Variants in TMEM147 observed in about 807,000 individuals in gnomAD.
The protein encoded by TMEM147 is BOS complex subunit TMEM147.
A neutral mutation model predicts 29.4 loss-of-function variants in TMEM147; 29 were observed. The observed-to-expected ratio is 0.99, with a 90% confidence interval of 0.73 to 1.34. TMEM147 has a LOEUF of 1.34. Ranked by LOEUF, TMEM147 falls within the 40% of genes most tolerant of loss-of-function variation. The pLI is 0.00. For missense variants in TMEM147, 260 were observed against 289.4 expected, an observed-to-expected ratio of 0.90 and a Z score of 0.74; for synonymous variants, 121 against 111.8, an observed-to-expected ratio of 1.08 and a Z score of -0.52.
At position 35,547,380 on chromosome 19, in the gene TMEM147, T is replaced by C; in HGVS notation, c.608T>C (p.Val203Ala). The C allele has an allele frequency of 6.2e-7, 1 of 1,613,914 alleles. No homozygotes were observed. Among genetic ancestry groups the C allele is most frequent in the South Asian group, 1.1e-5 (1 of 91,080 alleles). The change falls in exon 7 of 7, where the codon GTG (valine) becomes GCG (alanine). Residue 203 changes from valine to alanine, a missense_variant. Transcript: ENST00000222284. ...TGGGCAGCTCTACTGGCCCGAGCAG[T>C]GGTAACGGGGCTGCTGGCCCTCAGC... ...GSWAALLARA[V>A]VTGLLALSTL...
chr19:35,547,261 G>A (rs550371569), intron 6 of TMEM147, 21 bp downstream of exon 6: 27 of 1,614,006 alleles, frequency 1.7e-5, no homozygotes, highest in Non-Finnish European at 2.2e-5. Flanking sequence ...TGGGGTTTAG[G>A]GCTGGGTCCA....
In TMEM147 at chr19:35,547,039, C is replaced by T. The variant is rs753323421; in HGVS notation, c.429+10C>T. ...CTCCAACATCAGTCTGGTAGGCAGTCGTGCTCTCCCACATACACATTTCTG... is the reference window on the plus strand; with the variant it reads ...CTCCAACATCAGTCTGGTAGGCAGTTGTGCTCTCCCACATACACATTTCTG... On this transcript the variant is annotated intron_variant, in intron 5 of 6. Transcript: ENST00000222284. The T allele has an allele frequency of 3.1e-6, 5 of 1,614,082 alleles. No homozygotes were observed. The highest frequency in any genetic ancestry group is 2.2e-5 in the East Asian group (1 of 44,904).
chr19:35,546,042 G>A (rs893790856), intron 2 of TMEM147, 85 bp downstream of exon 2: 2 of 1,463,072 alleles, frequency 1.4e-6, no homozygotes, highest in Admixed American at 1.9e-5. Flanking sequence ...CCGCGCCCCC[G>A]CCGCCCCACG....
At position 35,546,560 on chromosome 19, in the gene TMEM147, A is replaced by T; in HGVS notation, c.182A>T (p.Glu61Val). 6.2e-7 allele frequency: 1 copy of T among 1,613,492 alleles called. No homozygotes were observed. The highest frequency in any genetic ancestry group is 8.5e-7 in the Non-Finnish European group (1 of 1,179,806). ...LFLATFFPTW[E>V]GGIYDFIGEF... is the part of the protein sequence containing the mutation. ...TTGGCCACTTTCTTTCCCACCTGGGAAGGCGGCATCTATGACTTCATTGGG... is the reference window on the plus strand; with the variant it reads ...TTGGCCACTTTCTTTCCCACCTGGGTAGGCGGCATCTATGACTTCATTGGG... Residue 61 changes from glutamate to valine, a missense_variant, in exon 3 of 7, where the codon GAA (glutamate) becomes GTA (valine). Coordinates refer to ENST00000222284, the MANE Select transcript of TMEM147 (RefSeq NM_032635.4).
chr19:35,545,972 G>T lies in TMEM147; in HGVS notation c.147+15G>T. 6.2e-7 allele frequency: 1 copy of T among 1,611,834 alleles called. No individual in the cohort carries two copies. Among genetic ancestry groups the T allele is most frequent in the Non-Finnish European group, 8.5e-7 (1 of 1,179,384 alleles). On this transcript the variant is annotated intron_variant, in intron 2 of 6. Coordinates refer to ENST00000222284, the MANE Select transcript of TMEM147 (RefSeq NM_032635.4). ...AACTCTGCAAGGTGAGGGCCACCGG[G>T]AAGCCACGTGTTCTGGCCCCCAGGC...
intron 2 of TMEM147, 166 bp from the exon 3 acceptor site, chr19:35,546,360 A>G (rs1303298647): frequency 1.3e-6 from 1 of 775,036 alleles, no homozygotes; most frequent in Non-Finnish European, 2.0e-6. Flanking sequence ...CCTATCCTCT[A>G]TCTCCCCGAT....
chr19:35,546,001 G>A, intron 2 of TMEM147, 44 bp downstream of exon 2: 1 of 1,592,536 alleles, frequency 6.3e-7, no homozygotes, highest in South Asian at 1.1e-5. Context: ...CCCAGGCTCT[G>A]CAGACCCAGG....
At chr19:35,546,332 C>T in intron 2 of TMEM147, 194 bp from the exon 3 acceptor site, 1 of 657,374 alleles carries the variant, frequency 1.5e-6, no homozygotes, top group Non-Finnish European at 2.6e-6. Context: ...ACTTCCAGCC[C>T]CCTCGGGGAC....
At chr19:35,546,236 A>G (rs2146300877) in intron 2 of TMEM147, 1 of 600,314 alleles carries the variant, frequency 1.7e-6, no homozygotes, top group African/African-American at 1.9e-5. Flanking sequence ...AAGAGTGATC[A>G]CTGATTCCGT....
At position 35,547,188 on chromosome 19, in the gene TMEM147, C is replaced by T; in HGVS notation, c.499C>T (p.Pro167Ser). ...TRYDLYHTFRPAVLLLMFLSV... is the reference protein window; with the variant it reads ...TRYDLYHTFRSAVLLLMFLSV... ...CTATGATCTGTACCACACCTTCCGG[C>T]CAGCTGTCCTCCTGCTGATGTTCCT... is the stretch of plus-strand genomic sequence containing the variant. The change falls in exon 6 of 7, where the codon CCA becomes TCA. Residue 167 changes from proline to serine, a missense_variant. Coordinates refer to ENST00000222284, the MANE Select transcript of TMEM147 (RefSeq NM_032635.4). The T allele has an allele frequency of 6.2e-7, 1 of 1,614,198 alleles. No individual in the cohort carries two copies.
chr19:35,545,882 C>A lies in TMEM147; in HGVS notation c.78-6C>A, dbSNP rs1428493673. 2.5e-6 allele frequency: 4 copies of A among 1,614,002 alleles called. No individual in the cohort carries two copies. In the East Asian group the frequency reaches 8.9e-5, roughly 36 times the overall value. On this transcript the variant is annotated splice_region_variant and splice_polypyrimidine_tract_variant and intron_variant, in intron 1 of 6. Transcript: ENST00000222284. Reference sequence around the variant, plus strand: ...CCGGGCCGACCCTCACCTCCCGCTTCTCCAGGTCCGAGTACAACGCCTTCT... The same window carrying A: ...CCGGGCCGACCCTCACCTCCCGCTTATCCAGGTCCGAGTACAACGCCTTCT...
At position 35,545,636 on chromosome 19, in the gene TMEM147, G is replaced by A. The variant is rs1211491026; in HGVS notation, c.-104G>A. On this transcript the variant is annotated 5_prime_UTR_variant, in exon 1 of 7. It adds an upstream start codon to the 5' untranslated region. Transcript: ENST00000222284. ...GCGCGGGCCCCCGCCAGTCAGGTGG[G>A]TGCCAGGCCCTGGCCGTGGCGAAAG... 24 of 1,295,238 alleles carry A rather than the reference G, an allele frequency of 1.9e-5. No individual in the cohort carries two copies. In the East Asian group the frequency reaches 4.4e-4, roughly 24 times the overall value. 80.2% of individuals were successfully genotyped at this position (1,295,238 alleles called of 1,614,324 possible).
Position 35,547,358 on chromosome 19 carries a change from G to T in TMEM147, c.586G>T (p.Ala196Ser). 1 of 1,613,966 alleles carries T rather than the reference G, an allele frequency of 6.2e-7. No individual in the cohort carries two copies. The change falls in exon 7 of 7, where the codon GCA becomes TCA. Residue 196 changes from alanine to serine, a missense_variant. Transcript: ENST00000222284. ...FVHLCSLGSW[A>S]ALLARAVVTG... ...CCACCTCTGCTCGCTGGGCAGTTGG[G>T]CAGCTCTACTGGCCCGAGCAGTGGT...
intron 3 of TMEM147, 32 bp downstream of exon 3, chr19:35,546,617 A>C: frequency 6.2e-7 from 1 of 1,610,214 alleles, no homozygotes; most frequent in Non-Finnish European, 8.5e-7. Flanking sequence ...AAGGGAGTTC[A>C]GGAATGGGGC....
chr19:35,547,164 T>C lies in TMEM147; in HGVS notation c.475T>C (p.Tyr159His), dbSNP rs2071569727. The C allele has an allele frequency of 6.2e-7, 1 of 1,614,080 alleles. No homozygotes were observed. The highest frequency in any genetic ancestry group is 1.3e-5 in the African/African-American group (1 of 74,918). The change falls in exon 6 of 7, where the codon TAT (tyrosine) becomes CAT (histidine). Residue 159 changes from tyrosine (Y) to histidine (H), a missense_variant. Physicochemically the swap from Tyr to His is moderately conservative, Grantham distance 83 (BLOSUM62 2). Transcript: ENST00000222284. ...ASAQVWMITR[Y>H]DLYHTFRPAV... ...TGCTCAGGTCTGGATGATAACACGCTATGATCTGTACCACACCTTCCGGCC... is the reference window on the plus strand; with the variant it reads ...TGCTCAGGTCTGGATGATAACACGCCATGATCTGTACCACACCTTCCGGCC...
rs1193434130 is a variant in TMEM147 at position 35,545,688 on chromosome 19, C to T, written c.-52C>T. On this transcript the variant is annotated 5_prime_UTR_variant, in exon 1 of 7. Transcript: ENST00000222284. ...GCCGGCGGAGCCGGAGACCCGCTCC[C>T]GGAGACGCCGCCTCGCGATCCCCGC... is the stretch of plus-strand genomic sequence containing the variant. 2 of 1,591,022 alleles carry T rather than the reference C, an allele frequency of 1.3e-6. No homozygotes were observed. The highest frequency in any genetic ancestry group is 1.7e-6 in the Non-Finnish European group (2 of 1,172,196).
chr19:35,547,320 G>A lies in TMEM147; in HGVS notation c.552-4G>A, dbSNP rs771858145. ...CCCTTCCTTATTGTGACATTTTCCT[G>A]CAGGACCTTCGTCCACCTCTGCTCG... On this transcript the variant is annotated splice_polypyrimidine_tract_variant and splice_region_variant and intron_variant, in intron 6 of 6. Coordinates refer to ENST00000222284, the MANE Select transcript of TMEM147 (RefSeq NM_032635.4). 37 of 1,613,754 alleles carry A rather than the reference G, an allele frequency of 2.3e-5. No homozygotes were observed. The South Asian group carries it at 3.7e-4, about 16-fold the overall frequency.
At chr19:35,547,067 G>A in intron 5 of TMEM147, 38 bp downstream of exon 5, 1 of 1,614,206 alleles carries the variant, frequency 6.2e-7, no homozygotes, top group Non-Finnish European at 8.5e-7. Context: ...CATTTCTGCT[G>A]GCGGCCATAC....
In TMEM147 at chr19:35,545,631, G is replaced by A; in HGVS notation, c.-109G>A. ...GTCGCGCGCGGGCCCCCGCCAGTCA[G>A]GTGGGTGCCAGGCCCTGGCCGTGGC... On this transcript the variant is annotated 5_prime_UTR_variant, in exon 1 of 7. Coordinates refer to ENST00000222284, the MANE Select transcript of TMEM147 (RefSeq NM_032635.4). 8.1e-7 allele frequency: 1 copy of A among 1,241,288 alleles called. No individual in the cohort carries two copies. The highest frequency in any genetic ancestry group is 1.1e-6 in the Non-Finnish European group (1 of 913,916). 76.9% of individuals were successfully genotyped at this position (1,241,288 alleles called of 1,614,324 possible).
Sources: allele counts gnomAD v4.1 joint callset, GRCh38; gene constraint gnomAD v4.1.1; transcripts MANE v1.5; gene names NCBI Gene and HGNC (gene_info 2026-07-23, HGNC 2026-07-21).